The following CDNF variants were observed in gnomAD, a reference collection of about 807,000 sequenced individuals.
CDNF encodes cerebral dopamine neurotrophic factor, also known as ARMET-like protein 1.
In CDNF, 9 loss-of-function variants were observed where a neutral mutation model predicts 14.8. The ratio of observed to expected loss-of-function variants is 0.61; its 90% confidence interval spans 0.37 to 1.06. CDNF has a LOEUF of 1.06. CDNF is among the 50% of genes least tolerant of loss of function. The pLI is 0.01. For synonymous variants in CDNF, 86 were observed against 87.2 expected (o/e 0.99, Z 0.07); for missense variants, 228 against 228.4 (o/e 1.00, Z 0.01).
chr10:14,832,679 C>T (rs1392778812), intron 1 of CDNF, among the ~76,000 whole-genome samples: 1 of 151,978 alleles, frequency 6.6e-6, no homozygotes, highest in Non-Finnish European at 1.5e-5. Context: ...AAAGAATTTA[C>T]TAATAAGCCA....
At chr10:14,836,114 T>C (rs555953751) in intron 1 of CDNF, 1 of 152,354 alleles carries the variant, frequency 6.6e-6, no homozygotes, top group Non-Finnish European at 1.5e-5. Context: ...GCCTTCGCTC[T>C]AGAGTATGTA....
intron 2 of CDNF, among the ~76,000 whole-genome samples, chr10:14,825,957 A>AAAG (rs1290961456): frequency 1.3e-5 from 2 of 151,378 alleles, no homozygotes; most frequent in Non-Finnish European, 2.9e-5. Context: ...TCTCAAAAAA[A>AAAG]AAGAAGAAGA....
intron 2 of CDNF, among the ~76,000 whole-genome samples, chr10:14,826,443 C>A (rs1564313806): frequency 1.1e-4 from 16 of 139,670 alleles, no homozygotes; most frequent in African/African-American, 1.9e-4. Flanking sequence ...AAGAAAGAAG[C>A]AGAAGAAGCA....
chr10:14,829,220 C>G (rs1299991794), intron 1 of CDNF, among the ~76,000 whole-genome samples: 2 of 152,182 alleles, frequency 1.3e-5, no homozygotes, highest in African/African-American at 4.8e-5. Flanking sequence ...CATCTTGGGA[C>G]AGCATAATTG....
intron 1 of CDNF, among the ~76,000 whole-genome samples, chr10:14,834,716 C>G (rs540452188): frequency 1.3e-5 from 2 of 152,164 alleles, no homozygotes; most frequent in South Asian, 4.2e-4. Flanking sequence ...CAGAGGAGAC[C>G]AAAACAATAT....
chr10:14,829,803 T>C (rs1421479226), intron 1 of CDNF, among the ~76,000 whole-genome samples: 3 of 152,134 alleles, frequency 2.0e-5, no homozygotes, highest in African/African-American at 7.2e-5. Flanking sequence ...CTAATTTTTA[T>C]ATTTTCAGTA....
intron 3 of CDNF, among the ~76,000 whole-genome samples, chr10:14,823,750 C>A (rs1347276212): frequency 3.3e-5 from 5 of 152,190 alleles, no homozygotes; most frequent in Non-Finnish European, 7.3e-5. Context: ...TGGTCTTGAA[C>A]TCCTGGGCTC....
At chr10:14,835,371 G>A (rs893502024) in intron 1 of CDNF, among the ~76,000 whole-genome samples, 2 of 152,126 alleles carry the variant, frequency 1.3e-5, no homozygotes, top group East Asian at 3.9e-4. Flanking sequence ...CTGGACAAGT[G>A]GGCATAGAGA....
In CDNF at chr10:14,837,903, C is replaced by G. The variant is rs1833909050; in HGVS notation, c.44G>C (p.Gly15Ala). 1.9e-6 allele frequency: 3 copies of G among 1,607,480 alleles called. No homozygotes were observed. The highest frequency in any genetic ancestry group is 3.4e-5 in the Admixed American group (2 of 59,628). Reference protein sequence around the residue: ...SPVAVVAFCAGLLVSHPVLTQ... With the variant: ...SPVAVVAFCAALLVSHPVLTQ... ...CAGCACCGGGTGAGAGACCAAAAGC[C>G]CGGCGCAAAAGGCCACCACAGCAAC... The change falls in exon 1 of 4, where the codon GGG becomes GCG. Residue 15 changes from glycine (G) to alanine (A), a missense_variant. Physicochemically the swap from Gly to Ala is moderately conservative, Grantham distance 60. Coordinates refer to ENST00000465530, the MANE Select transcript of CDNF (RefSeq NM_001029954.3).
At chr10:14,826,250 T>G (rs111208036) in intron 2 of CDNF, among the ~76,000 whole-genome samples, 1,286 of 108,194 alleles carry the variant, frequency 0.012, 30 homozygotes, top group African/African-American at 0.041. Context: ...AGAAGAAGCA[T>G]AAGAAGCAGT....
intron 2 of CDNF, among the ~76,000 whole-genome samples, chr10:14,826,484 AG>A (rs1386326209): frequency 2.0e-4 from 30 of 151,590 alleles, no homozygotes; most frequent in East Asian, 5.9e-4. Flanking sequence ...AAGAAGAAAA[AG>A]AAGAAGAAGA....
At chr10:14,829,028 A>G (rs1176896989) in intron 1 of CDNF, among the ~76,000 whole-genome samples, 4 of 152,144 alleles carry the variant, frequency 2.6e-5, no homozygotes, top group Non-Finnish European at 5.9e-5. Flanking sequence ...CTGTCTCAAG[A>G]AAATTAAAAA....
chr10:14,837,018 T>C (rs896906597), intron 1 of CDNF, among the ~76,000 whole-genome samples: 2 of 152,196 alleles, frequency 1.3e-5, no homozygotes, highest in Non-Finnish European at 2.9e-5. Flanking sequence ...TCAACATATA[T>C]GATGAACCTA....
intron 2 of CDNF, among the ~76,000 whole-genome samples, chr10:14,827,104 A>T (rs572835069): frequency 1.3e-3 from 196 of 150,988 alleles, no homozygotes; most frequent in African/African-American, 4.5e-3. Context: ...GCATGGTGGC[A>T]TGTGCCTTAG....
intron 2 of CDNF, 73 bp from the exon 3 acceptor site, chr10:14,825,693 T>C: frequency 6.8e-7 from 1 of 1,475,448 alleles, no homozygotes; most frequent in East Asian, 2.3e-5. Flanking sequence ...AATGAAGGAA[T>C]ACAGTATCAA....
chr10:14,820,163 ATGGC>A lies in CDNF; in HGVS notation c.386-9_386-6del. The A allele has an allele frequency of 6.2e-7, 1 of 1,606,076 alleles. No homozygotes were observed. Among genetic ancestry groups the A allele is most frequent in the Admixed American group, 1.7e-5 (1 of 57,370 alleles). On this transcript the variant is annotated splice_region_variant and splice_polypyrimidine_tract_variant and intron_variant, in intron 3 of 3. Transcript: ENST00000465530. ...ATGCCAAGTCCAGTGTTTTTTCTAA[ATGGC>A]AAAAAGGAAAAAAGCCAATTACAAA...
chr10:14,831,224 TA>T (rs1215978818), intron 1 of CDNF, among the ~76,000 whole-genome samples: 1 of 152,068 alleles, frequency 6.6e-6, no homozygotes, highest in Non-Finnish European at 1.5e-5. Context: ...GACTTGTGTT[TA>T]TTTAGCCAAA....
chr10:14,827,515 G>A (rs1833809118), intron 2 of CDNF, among the ~76,000 whole-genome samples: 1 of 152,152 alleles, frequency 6.6e-6, no homozygotes, highest in South Asian at 2.1e-4. Context: ...TTGATTAATT[G>A]TCTTGGTAAG....
At chr10:14,826,095 A>AAGCAGCAGCAGC (rs71505046) in intron 2 of CDNF, among the ~76,000 whole-genome samples, 2 of 87,542 alleles carry the variant, frequency 2.3e-5, no homozygotes, top group African/African-American at 1.0e-4. Flanking sequence ...GAAGAAGAAG[A>AAGCAGCAGCAGC]AGCAGCAGCA....
Sources: allele counts gnomAD v4.1 joint callset (sites outside exome capture counted in the v4.1 genomes callset), GRCh38; gene constraint gnomAD v4.1.1; transcripts MANE v1.5; gene names NCBI Gene and HGNC (gene_info 2026-07-23, HGNC 2026-07-21).